MNAT1: variants seen among roughly 807,000 people sequenced by gnomAD.
The protein encoded by MNAT1 is MNAT1 component of CDK activating kinase, also known as CDK-activating kinase assembly factor MAT1.
A neutral mutation model predicts 42.0 loss-of-function variants in MNAT1; 43 were observed. That is an observed-to-expected ratio of 1.02 (90% CI 0.80 to 1.32). The LOEUF (loss-of-function observed/expected upper bound fraction) is 1.32. MNAT1 is among the 40% of genes most tolerant of loss of function. The probability of loss-of-function intolerance (pLI) is 0.00; values close to 1 mark genes in which losing one functional copy is unlikely to be tolerated. For synonymous variants in MNAT1, 118 were observed against 120.0 expected (o/e 0.98, Z 0.11); for missense variants, 306 against 350.4 (o/e 0.87, Z 1.01).
rs568338989 is a variant in MNAT1 at position 60,793,596 on chromosome 14, T to C, written c.90-2621T>C. 1.3e-4 allele frequency among the ~76,000 whole-genome samples: 20 copies of C among 152,142 alleles called. 1 individual carries two copies. Among genetic ancestry groups the C allele is most frequent in the Admixed American group, 1.1e-3 (17 of 15,266 alleles). On this transcript the variant is annotated intron_variant, in intron 1 of 7. Coordinates refer to ENST00000261245, the MANE Select transcript of MNAT1 (RefSeq NM_002431.4). ...CCATGTTGTCTAGGCTGGTCTTATA[T>C]TCTTGGCCTCAAGCTATCTTCCTGC... is the stretch of plus-strand genomic sequence containing the variant.
Position 60,771,548 on chromosome 14 carries a change from G to A in MNAT1, c.90-24669G>A, listed in dbSNP as rs113437090. On this transcript the variant is annotated intron_variant, in intron 1 of 7. Coordinates refer to ENST00000261245, the MANE Select transcript of MNAT1 (RefSeq NM_002431.4). ...CTGCCACTTCTGTATTCTAAACTCT[G>A]TAGTGGCTCCTCATTTCATGCAGAG... is the stretch of plus-strand genomic sequence containing the variant. 1.2e-3 allele frequency among the ~76,000 whole-genome samples: 190 copies of A among 152,242 alleles called. 1 individual carries two copies. Among genetic ancestry groups the A allele is most frequent in the African/African-American group, 4.4e-3 (181 of 41,546 alleles).
chr14:60,890,544 G>A (rs1295767190), intron 7 of MNAT1, among the ~76,000 whole-genome samples: 1 of 152,166 alleles, frequency 6.6e-6, no homozygotes, highest in Non-Finnish European at 1.5e-5. Context: ...AGGAGCAAGG[G>A]AGGAAGCCAG....
chr14:60,907,306 G>T (rs921000429), intron 7 of MNAT1, among the ~76,000 whole-genome samples: 1 of 151,668 alleles, frequency 6.6e-6, no homozygotes, highest in African/African-American at 2.4e-5. Flanking sequence ...GGTGGCACGC[G>T]CCTGTAGTCC....
chr14:60,914,231 TC>T (rs2035459605), intron 7 of MNAT1, among the ~76,000 whole-genome samples: 2 of 152,296 alleles, frequency 1.3e-5, no homozygotes, highest in South Asian at 4.1e-4. Flanking sequence ...GTCACCCCTT[TC>T]TTTGACTAGG....
At chr14:60,902,008 A>C (rs1161729521) in intron 7 of MNAT1, among the ~76,000 whole-genome samples, 2 of 152,234 alleles carry the variant, frequency 1.3e-5, no homozygotes, top group Non-Finnish European at 2.9e-5. Context: ...AAACAGCATT[A>C]TGTGCTACAG....
intron 6 of MNAT1, among the ~76,000 whole-genome samples, chr14:60,824,093 G>C (rs2032984441): frequency 6.6e-6 from 1 of 152,032 alleles, no homozygotes; most frequent in African/African-American, 2.4e-5. Flanking sequence ...GGCGGCAGAG[G>C]TTGCAGTAAG....
At position 60,875,085 on chromosome 14, in the gene MNAT1, C is replaced by CCACTGA. The variant is rs1222315988; in HGVS notation, c.688-4628_688-4623dup. ...ATCGTACTTATGGCAAACAGAACTA[C>CCACTGA]CACTGAGTAATGTTTATTTCTCTCT... is the stretch of plus-strand genomic sequence containing the variant. On this transcript the variant is annotated intron_variant, in intron 6 of 7. Transcript: ENST00000261245. Among the ~76,000 whole-genome samples, 4 of 151,962 alleles carry CCACTGA rather than the reference C, an allele frequency of 2.6e-5. No individual in the cohort carries two copies. The East Asian group carries it at 7.7e-4, about 29-fold the overall frequency.
intron 1 of MNAT1, among the ~76,000 whole-genome samples, chr14:60,790,509 G>A (rs76617909): frequency 6.6e-5 from 10 of 152,084 alleles, no homozygotes; most frequent in Non-Finnish European, 1.3e-4. Flanking sequence ...CCCCCACTTC[G>A]ACTTGTCCCA....
rs1206476731 is a variant in MNAT1, at chr14:60,796,431, T to C, written c.242+62T>C. ...AGGACTTTAACAATTATGTCAGTAA[T>C]TGATTATTATTTGCTCATAAATGTG... On this transcript the variant is annotated intron_variant, in intron 2 of 7. Coordinates refer to ENST00000261245, the MANE Select transcript of MNAT1 (RefSeq NM_002431.4). 1.0e-5 allele frequency: 15 copies of C among 1,456,790 alleles called. No individual in the cohort carries two copies. In the African/African-American group the frequency reaches 2.0e-4, roughly 19 times the overall value. The allele number at this position is 1,456,790 out of a possible 1,614,324, so 90.2% of individuals were successfully genotyped here. A position where few individuals can be genotyped will look rare whatever the true frequency, so the allele number is the denominator to read the frequency against.
chr14:60,895,680 C>G (rs1462594552), intron 7 of MNAT1, among the ~76,000 whole-genome samples: 1 of 152,136 alleles, frequency 6.6e-6, no homozygotes, highest in Non-Finnish European at 1.5e-5. Context: ...GCCTATAATC[C>G]TAGCACTTTG....
chr14:60,872,176 G>T (rs773284193), intron 6 of MNAT1, among the ~76,000 whole-genome samples: 1 of 152,078 alleles, frequency 6.6e-6, no homozygotes, highest in Non-Finnish European at 1.5e-5. Context: ...GCAGGCACAC[G>T]TGGCAAGAGA....
intron 6 of MNAT1, among the ~76,000 whole-genome samples, chr14:60,833,180 G>T (rs1186995573): frequency 6.6e-6 from 1 of 151,994 alleles, no homozygotes; most frequent in East Asian, 1.9e-4. Flanking sequence ...TCTTTCTCTT[G>T]CCTGATTGTC....
At position 60,942,443 on chromosome 14, in the gene MNAT1, A is replaced by ATTT. The variant is rs71114169; in HGVS notation, c.810-25773_810-25771dup. Among the ~76,000 whole-genome samples, 354 of 143,242 alleles carry ATTT rather than the reference A, an allele frequency of 2.5e-3. 1 individual carries two copies. The highest frequency in any genetic ancestry group is 8.5e-3 in the African/African-American group (331 of 39,000). 94.0% of individuals were successfully genotyped at this position (143,242 alleles called of 152,430 possible). On this transcript the variant is annotated intron_variant, in intron 7 of 7. Transcript: ENST00000261245. ...GGCCCTTATTGTTATTTCTCTCTTA[A>ATTT]TTTTTTTTTTTTTTTGTAAATTTGG... is the stretch of plus-strand genomic sequence containing the variant.
chr14:60,769,744 T>G lies in MNAT1; in HGVS notation c.90-26473T>G, dbSNP rs149669020. On this transcript the variant is annotated intron_variant, in intron 1 of 7. Transcript: ENST00000261245. ...ATCAAGGCTCACTGCAACCTTGAAT[T>G]CCTGGGGTCAAATGATCCTCCCGTC... is the stretch of plus-strand genomic sequence containing the variant. Among the ~76,000 whole-genome samples, 7 of 152,346 alleles carry G rather than the reference T, an allele frequency of 4.6e-5. No individual in the cohort carries two copies. In the East Asian group the frequency reaches 1.4e-3, roughly 29 times the overall value.
intron 3 of MNAT1, among the ~76,000 whole-genome samples, chr14:60,807,589 T>C (rs2139345279): frequency 6.6e-6 from 1 of 152,284 alleles, no homozygotes; most frequent in East Asian, 1.9e-4. Flanking sequence ...TTGTTCAGAG[T>C]ATTATAGTAA....
rs753053638 is a variant in MNAT1, at chr14:60,886,939, G to C, written c.809+7104G>C. ...TGATGAAAGTGGACGTCCTTGTCTTGGGGTCAGGCAAAAACTGAAAACTTT... is the reference window on the plus strand; with the variant it reads ...TGATGAAAGTGGACGTCCTTGTCTTCGGGTCAGGCAAAAACTGAAAACTTT... On this transcript the variant is annotated intron_variant, in intron 7 of 7. Coordinates refer to ENST00000261245, the MANE Select transcript of MNAT1 (RefSeq NM_002431.4). Among the ~76,000 whole-genome samples the C allele has an allele frequency of 6.3e-4, 96 of 152,136 alleles. 3 individuals carry two copies. Among genetic ancestry groups the C allele is most frequent in the Non-Finnish European group, 1.5e-4 (10 of 67,968 alleles).
At chr14:60,935,065 TA>T (rs2035965571) in intron 7 of MNAT1, among the ~76,000 whole-genome samples, 1 of 152,240 alleles carries the variant, frequency 6.6e-6, no homozygotes, top group South Asian at 2.1e-4. Context: ...TCTTTAATTT[TA>T]GAGAGGCTTT....
intron 1 of MNAT1, among the ~76,000 whole-genome samples, chr14:60,781,296 G>A (rs572896750): frequency 6.6e-6 from 1 of 152,196 alleles, no homozygotes; most frequent in East Asian, 1.9e-4. Flanking sequence ...GATTTGTGTG[G>A]TGTAATTTGC....
chr14:60,949,030 A>C (rs538775446), intron 7 of MNAT1, among the ~76,000 whole-genome samples: 1 of 152,318 alleles, frequency 6.6e-6, no homozygotes, highest in South Asian at 2.1e-4. Context: ...AAGCATTTAA[A>C]ATTTATTTTT....
Sources: gnomAD v4.1 joint callset for allele counts (sites outside exome capture counted in the v4.1 genomes callset) on GRCh38, gnomAD v4.1.1 for gene constraint, MANE v1.5 for transcripts, NCBI Gene and HGNC (gene_info 2026-07-23, HGNC 2026-07-21) for gene names.